The following TNS4 variants were observed in gnomAD, a reference collection of about 807,000 sequenced individuals.
TNS4 encodes the protein tensin 4.
A neutral mutation model predicts 70.4 loss-of-function variants in TNS4; 46 were observed. The ratio of observed to expected loss-of-function variants is 0.65; its 90% CI spans 0.52 to 0.84. The LOEUF (loss-of-function observed/expected upper bound fraction) is 0.84. Ranked by LOEUF, TNS4 falls within the 40% of genes least tolerant of loss-of-function variation. The pLI is 0.00. For synonymous variants in TNS4, 390 were observed against 366.6 expected (o/e 1.06, Z -0.73); for missense variants, 863 against 907.0 (o/e 0.95, Z 0.62).
rs771941661 is a variant in TNS4 at position 40,480,692 on chromosome 17, C to G, written c.1741+8G>C. On this transcript the variant is annotated splice_region_variant and intron_variant, in intron 9 of 12. Coordinates refer to ENST00000254051, the MANE Select transcript of TNS4 (RefSeq NM_032865.6). ...CAAGCTTGGCGCCTCCCTTCCTGTACCACTCACCCGCAGATTTCTTCTGGC... is the reference window on the plus strand; with the variant it reads ...CAAGCTTGGCGCCTCCCTTCCTGTAGCACTCACCCGCAGATTTCTTCTGGC... 1 of 1,547,146 alleles carries G rather than the reference C, an allele frequency of 6.5e-7. No individual in the cohort carries two copies. The highest frequency in any genetic ancestry group is 2.2e-5 in the Admixed American group (1 of 46,086).
Position 40,501,521 on chromosome 17 carries a change from T to C in TNS4, c.-96+13A>G, listed in dbSNP as rs1209521823. The C allele has an allele frequency of 6.7e-6, 1 of 150,136 alleles. No homozygotes were observed. The highest frequency in any genetic ancestry group is 2.0e-4 in the East Asian group (1 of 5,092). 9.3% of individuals were successfully genotyped at this position (150,136 alleles called of 1,614,324 possible). On this transcript the variant is annotated intron_variant, in intron 1 of 12. Transcript: ENST00000254051. ...TCCGTGTTCCTCTCTTCTTAAAGAA[T>C]AAAGGCACCTACCTGGTGTCCACAG...
Position 40,496,222 on chromosome 17 carries a change from T to G in TNS4, c.204A>C (p.Gln68His). ...PCMGPPGRLQ[Q>H]APQVEAKATC... is the part of the protein sequence containing the mutation. ...TGGCTTTGGCCTCCACCTGTGGGGC[T>G]TGCTGGAGTCGGCCAGGGGGCCCCA... The change falls in exon 2 of 13, where the codon CAA (glutamine) becomes CAC (histidine). Residue 68 changes from glutamine to histidine, a missense_variant. Coordinates refer to ENST00000254051, the MANE Select transcript of TNS4 (RefSeq NM_032865.6). The G allele has an allele frequency of 6.3e-7, 1 of 1,598,800 alleles. No individual in the cohort carries two copies. Among genetic ancestry groups the G allele is most frequent in the South Asian group, 1.1e-5 (1 of 88,890 alleles).
chr17:40,496,602 A>T, intron 1 of TNS4, 82 bp from the exon 2 acceptor site: 1 of 617,638 alleles, frequency 1.6e-6, no homozygotes, highest in Non-Finnish European at 2.7e-6. Flanking sequence ...AGGCTAAGTT[A>T]TTCATTCATT....
At chr17:40,480,944 G>C (rs1202985766) in intron 8 of TNS4, 176 bp from the exon 9 acceptor site, 3 of 678,560 alleles carry the variant, frequency 4.4e-6, no homozygotes, top group Non-Finnish European at 5.0e-6. Flanking sequence ...GCCACTTTGG[G>C]CTCCCTAAAT....
At chr17:40,489,148 G>A (rs567803229) in intron 2 of TNS4, among the ~76,000 whole-genome samples, 179 bp from the exon 3 acceptor site, 1 of 152,086 alleles carries the variant, frequency 6.6e-6, no homozygotes. Flanking sequence ...CACCCTCCCT[G>A]TGACAACTTC....
chr17:40,492,624 T>C (rs2036089415), intron 2 of TNS4, among the ~76,000 whole-genome samples: 1 of 147,074 alleles, frequency 6.8e-6, no homozygotes, highest in South Asian at 2.3e-4. Context: ...GTTTTAAGCC[T>C]GGGCTGGGTG....
At chr17:40,493,317 T>C (rs912289555) in intron 2 of TNS4, among the ~76,000 whole-genome samples, 8 of 152,012 alleles carry the variant, frequency 5.3e-5, no homozygotes, top group Non-Finnish European at 1.2e-4. Context: ...AGCCCAAAAG[T>C]AGGAAGGATG....
In TNS4 at chr17:40,479,814, C is replaced by T. The variant is rs779222799; in HGVS notation, c.1770G>A (p.Val590=). The T allele has an allele frequency of 3.7e-6, 6 of 1,613,360 alleles. No individual in the cohort carries two copies. The highest frequency in any genetic ancestry group is 1.7e-4 in the Middle Eastern group (1 of 6,060). ...AGCHTLYLSS[V]SVETLTGALA... ...GGGCTCCAGTCAGGGTCTCCACGCT[C>T]ACTGAGCTCAGGTACAGGGTGTGGC... The change falls in exon 10 of 13, where the codon GTG becomes GTA. Residue 590 remains valine, a synonymous_variant. Transcript: ENST00000254051.
intron 2 of TNS4, among the ~76,000 whole-genome samples, chr17:40,493,539 T>A (rs977519294): frequency 6.6e-6 from 1 of 152,138 alleles, no homozygotes; most frequent in Non-Finnish European, 1.5e-5. Context: ...TGGGTTGTCT[T>A]AGGAGGTAGT....
intron 2 of TNS4, among the ~76,000 whole-genome samples, chr17:40,494,978 T>C (rs1369563473): frequency 6.6e-6 from 1 of 152,026 alleles, no homozygotes; most frequent in East Asian, 1.9e-4. Flanking sequence ...AAACTCTTTG[T>C]TCAGGAAACT....
Position 40,477,535 on chromosome 17 carries a change from G to C in TNS4, c.*53C>G. 4 of 1,602,938 alleles carry C rather than the reference G, an allele frequency of 2.5e-6. No individual in the cohort carries two copies. Among genetic ancestry groups the C allele is most frequent in the Non-Finnish European group, 2.6e-6 (3 of 1,173,454 alleles). On this transcript the variant is annotated 3_prime_UTR_variant, in exon 13 of 13. Transcript: ENST00000254051. ...ACACCCATTCAGGGGGTGGAGGGGG[G>C]CTCCTTAGCGAGCCCCTGGAGGTGT...
chr17:40,497,771 C>T (rs1351307579), intron 1 of TNS4, among the ~76,000 whole-genome samples: 3 of 152,178 alleles, frequency 2.0e-5, no homozygotes, highest in Non-Finnish European at 4.4e-5. Flanking sequence ...TCCCGTAGGG[C>T]CTTGCAGGCT....
chr17:40,485,724 C>A (rs917443224), intron 4 of TNS4, among the ~76,000 whole-genome samples: 2 of 152,184 alleles, frequency 1.3e-5, no homozygotes, highest in Non-Finnish European at 2.9e-5. Flanking sequence ...AGTAAATGTG[C>A]GCTTTGGGAT....
chr17:40,493,470 G>A (rs1168832848), intron 2 of TNS4, among the ~76,000 whole-genome samples: 1 of 152,234 alleles, frequency 6.6e-6, no homozygotes, highest in African/African-American at 2.4e-5. Flanking sequence ...GATTTTGGGT[G>A]CAGGTGTCTG....
intron 10 of TNS4, among the ~76,000 whole-genome samples, chr17:40,479,365 T>C (rs991487702): frequency 3.3e-5 from 5 of 152,198 alleles, no homozygotes; most frequent in Admixed American, 3.3e-4. Flanking sequence ...CAGGCTGGTC[T>C]CGAACTCCTG....
At chr17:40,494,394 C>T (rs2036113814) in intron 2 of TNS4, among the ~76,000 whole-genome samples, 1 of 152,212 alleles carries the variant, frequency 6.6e-6, no homozygotes. Context: ...AGACTGGCTC[C>T]TTACTTAACC....
chr17:40,486,023 A>C (rs1332397237), intron 4 of TNS4, among the ~76,000 whole-genome samples: 2 of 151,560 alleles, frequency 1.3e-5, no homozygotes, highest in Admixed American at 1.3e-4. Flanking sequence ...GATGCCTGTG[A>C]GCGTCATGGC....
chr17:40,480,881 C>A, intron 8 of TNS4, 113 bp from the exon 9 acceptor site: 2 of 1,215,368 alleles, frequency 1.6e-6, no homozygotes, highest in East Asian at 2.8e-5. Context: ...CCTCCACCCC[C>A]ATCTCCAGGA....
rs2035897680 is a variant in TNS4 at position 40,479,800 on chromosome 17, A to G, written c.1784T>C (p.Leu595Pro). 1.2e-6 allele frequency: 2 copies of G among 1,613,836 alleles called. No homozygotes were observed. The highest frequency in any genetic ancestry group is 1.7e-6 in the Non-Finnish European group (2 of 1,179,970). The change falls in exon 10 of 13, where the codon CTG (leucine) becomes CCG (proline). Residue 595 changes from leucine to proline, a missense_variant. Physicochemically the swap from Leu to Pro is moderately conservative, Grantham distance 98. Transcript: ENST00000254051. ...TTTCTGCACGGCCAGGGCTCCAGTC[A>G]GGGTCTCCACGCTCACTGAGCTCAG... Reference protein sequence around the residue: ...LYLSSVSVETLTGALAVQKAI... With the variant: ...LYLSSVSVETPTGALAVQKAI...
Sources: gnomAD v4.1 joint callset for allele counts (sites outside exome capture counted in the v4.1 genomes callset) on GRCh38, gnomAD v4.1.1 for gene constraint, MANE v1.5 for transcripts, NCBI Gene and HGNC (gene_info 2026-07-23, HGNC 2026-07-21) for gene names.